The following ATG10 variants were observed in gnomAD, a reference collection of about 807,000 sequenced individuals.
ATG10 encodes autophagy related 10, also known as ubiquitin-like-conjugating enzyme ATG10.
ATG10 carries 30 observed loss-of-function variants against 32.1 expected under a neutral mutation model. The ratio of observed to expected loss-of-function variants is 0.94; its 90% CI spans 0.70 to 1.27. The LOEUF is 1.27. Among genes scored for constraint, ATG10 ranks in the 50% most tolerant of loss-of-function variants. ATG10 has a pLI of 0.00. For synonymous variants in ATG10, 87 were observed against 91.5 expected (o/e 0.95, Z 0.28); for missense variants, 233 against 262.3 (o/e 0.89, Z 0.77).
chr5:82,255,346 A>G lies in ATG10; in HGVS notation c.*1283A>G, dbSNP rs1037949390. 6.6e-5 allele frequency: 10 copies of G among 152,332 alleles called. No individual in the cohort carries two copies. The highest frequency in any genetic ancestry group is 2.4e-4 in the African/African-American group (10 of 41,566). 9.4% of individuals were successfully genotyped at this position (152,332 alleles called of 1,614,324 possible). ...TAATTGGTATTCACTAAGGCTGTAA[A>G]TAAGTTTCATAGCCAGTTAAGTATT... On this transcript the variant is annotated 3_prime_UTR_variant, in exon 8 of 8. Transcript: ENST00000282185.
intron 3 of ATG10, among the ~76,000 whole-genome samples, chr5:82,149,482 T>C (rs1046186047): frequency 1.1e-4 from 17 of 152,264 alleles, no homozygotes; most frequent in Admixed American, 7.2e-4. Flanking sequence ...CATATGGTTA[T>C]TAACCACTTT....
At chr5:82,055,235 T>C (rs1396723102) in intron 2 of ATG10, among the ~76,000 whole-genome samples, 1 of 152,092 alleles carries the variant, frequency 6.6e-6, no homozygotes, top group Non-Finnish European at 1.5e-5. Flanking sequence ...ACTGAGAAGA[T>C]TGATACTGAA....
intron 2 of ATG10, among the ~76,000 whole-genome samples, chr5:82,054,204 G>C (rs148171965): frequency 1.4e-3 from 208 of 152,266 alleles, no homozygotes; most frequent in African/African-American, 4.6e-3. Context: ...AAACTCCACA[G>C]GTGGTTCTAA....
chr5:82,113,938 TG>T (rs1258711946), intron 3 of ATG10, among the ~76,000 whole-genome samples: 8 of 152,066 alleles, frequency 5.3e-5, no homozygotes, highest in African/African-American at 1.9e-4. Flanking sequence ...TTTTGTACTT[TG>T]ATTTTGTTTG....
At chr5:81,975,221 A>G (rs1180989207) in intron 1 of ATG10, among the ~76,000 whole-genome samples, 7 of 152,148 alleles carry the variant, frequency 4.6e-5, no homozygotes, top group Non-Finnish European at 7.3e-5. Context: ...TGGTTGTACA[A>G]TTTATCACTG....
At chr5:82,172,778 T>C (rs1276693989) in intron 4 of ATG10, among the ~76,000 whole-genome samples, 1 of 152,214 alleles carries the variant, frequency 6.6e-6, no homozygotes, top group Non-Finnish European at 1.5e-5. Context: ...TTTTGGAATT[T>C]CATTTAGATT....
chr5:82,066,915 T>C (rs1011460826), intron 3 of ATG10, among the ~76,000 whole-genome samples: 3 of 152,196 alleles, frequency 2.0e-5, no homozygotes, highest in African/African-American at 4.8e-5. Context: ...TATTGATAGA[T>C]GTAAATGATG....
chr5:82,213,686 G>A (rs1003920350), intron 5 of ATG10, among the ~76,000 whole-genome samples: 4 of 152,092 alleles, frequency 2.6e-5, no homozygotes, highest in Admixed American at 6.6e-5. Context: ...CTACCAGTTC[G>A]ACCAGTCACG....
intron 1 of ATG10, among the ~76,000 whole-genome samples, chr5:81,983,846 G>T (rs1022851325): frequency 6.6e-6 from 1 of 150,670 alleles, no homozygotes; most frequent in Non-Finnish European, 1.5e-5. Context: ...AGGCAGAGAC[G>T]CTCCTCACAT....
intron 5 of ATG10, among the ~76,000 whole-genome samples, chr5:82,243,337 A>G (rs1383693925): frequency 2.0e-5 from 3 of 152,070 alleles, no homozygotes; most frequent in African/African-American, 7.2e-5. Flanking sequence ...ATCAAATTAT[A>G]TCAGTAATCA....
intron 1 of ATG10, among the ~76,000 whole-genome samples, chr5:81,977,791 TTCTA>T (rs1366632605): frequency 6.6e-6 from 1 of 152,158 alleles, no homozygotes; most frequent in Non-Finnish European, 1.5e-5. Flanking sequence ...TGACATTCTT[TTCTA>T]GGAGGACACT....
chr5:82,152,991 C>T (rs566887885), intron 3 of ATG10, among the ~76,000 whole-genome samples: 7 of 152,228 alleles, frequency 4.6e-5, no homozygotes, highest in South Asian at 2.1e-4. Context: ...GCTTGGAATA[C>T]GTAAGTGAAT....
At chr5:82,069,189 T>G (rs1764043428) in intron 3 of ATG10, among the ~76,000 whole-genome samples, 1 of 152,180 alleles carries the variant, frequency 6.6e-6, no homozygotes, top group Non-Finnish European at 1.5e-5. Flanking sequence ...CCTAAAGGAA[T>G]TCATTGTTGA....
Position 82,252,456 on chromosome 5 carries a change from T to C in ATG10, c.454-106T>C, listed in dbSNP as rs1253452876. 4 of 717,972 alleles carry C rather than the reference T, an allele frequency of 5.6e-6. No homozygotes were observed. The African/African-American group carries it at 7.4e-5, about 13-fold the overall frequency. 44.5% of individuals were successfully genotyped at this position (717,972 alleles called of 1,614,324 possible). A position where few individuals can be genotyped will look rare whatever the true frequency, so the allele number is the denominator to read the frequency against. On this transcript the variant is annotated intron_variant, in intron 5 of 7. Coordinates refer to ENST00000282185, the MANE Select transcript of ATG10 (RefSeq NM_031482.5). The stretch of plus-strand genomic sequence containing the variant: ...TAAACCTGTATATTAATTCAATAAC[T>C]TGGAATTTGAGACAAACCTTTATTT...
At chr5:82,018,956 C>T (rs780012214) in intron 2 of ATG10, among the ~76,000 whole-genome samples, 1 of 152,036 alleles carries the variant, frequency 6.6e-6, no homozygotes, top group Admixed American at 6.6e-5. Flanking sequence ...TCTTTCTTTG[C>T]CCAGTCTGTG....
chr5:81,991,228 T>G (rs1761445002), intron 2 of ATG10, among the ~76,000 whole-genome samples: 1 of 152,246 alleles, frequency 6.6e-6, no homozygotes, highest in South Asian at 2.1e-4. Flanking sequence ...AACCTTTCAT[T>G]GTATTATGTA....
At chr5:82,080,430 C>T (rs1392693099) in intron 3 of ATG10, among the ~76,000 whole-genome samples, 1 of 152,284 alleles carries the variant, frequency 6.6e-6, no homozygotes, top group African/African-American at 2.4e-5. Flanking sequence ...GACATGAAGT[C>T]CTTGCCCATG....
intron 5 of ATG10, among the ~76,000 whole-genome samples, chr5:82,231,333 A>G (rs1302391698): frequency 6.6e-6 from 1 of 152,222 alleles, no homozygotes; most frequent in East Asian, 1.9e-4. Context: ...AAATCTTGAC[A>G]TTATTAAGTT....
chr5:82,022,145 C>T (rs548728985), intron 2 of ATG10, among the ~76,000 whole-genome samples: 416 of 149,728 alleles, frequency 2.8e-3, no homozygotes, highest in Non-Finnish European at 3.6e-3. Context: ...GCCGAGATTG[C>T]GCCACTGCAC....
Sources: gnomAD v4.1 joint callset for allele counts (sites outside exome capture counted in the v4.1 genomes callset) on GRCh38, gnomAD v4.1.1 for gene constraint, MANE v1.5 for transcripts, NCBI Gene and HGNC (gene_info 2026-07-23, HGNC 2026-07-21) for gene names.